Variants in BMP1 observed in about 807,000 individuals in gnomAD.
The protein encoded by BMP1 is bone morphogenetic protein 1, also known as mammalian tolloid protein.
A neutral mutation model predicts 116.8 loss-of-function variants in BMP1; 63 were observed. The ratio of observed to expected loss-of-function variants is 0.54; its 90% CI spans 0.44 to 0.67. The LOEUF (loss-of-function observed/expected upper bound fraction) is 0.67. Ranked by LOEUF, BMP1 falls within the 30% of genes least tolerant of loss-of-function variation. The pLI, the probability that BMP1 is intolerant of heterozygous loss-of-function variation, is 0.00. For synonymous variants in BMP1, 536 were observed against 533.4 expected, an observed-to-expected ratio of 1.00 and a Z score of -0.07; for missense variants, 1,183 against 1,358.9, an observed-to-expected ratio of 0.87 and a Z score of 2.04.
chr8:22,186,314 C>G (rs909019889), intron 8 of BMP1, among the ~76,000 whole-genome samples: 2 of 152,182 alleles, frequency 1.3e-5, no homozygotes, highest in African/African-American at 4.8e-5. Context: ...AGCAGAGTTG[C>G]TTGGCAGGCC....
rs1224137308 is a variant in BMP1 at position 22,176,766 on chromosome 8, G to C, written c.551+116G>C. ...GCCTTGGGTCCCTTTATCCCCTCCT[G>C]CTATGGGGCATCTACCCAGGAACTG... is the stretch of plus-strand genomic sequence containing the variant. On this transcript the variant is annotated intron_variant, in intron 4 of 19. Transcript: ENST00000306385. 4.3e-6 allele frequency: 5 copies of C among 1,176,004 alleles called. No individual in the cohort carries two copies. In the South Asian group the frequency reaches 6.6e-5, roughly 16 times the overall value. 72.8% of individuals were successfully genotyped at this position (1,176,004 alleles called of 1,614,324 possible). A position where few individuals can be genotyped will look rare whatever the true frequency, so the allele number is the denominator to read the frequency against.
In BMP1 at chr8:22,211,818, C is replaced by T; in HGVS notation, c.*90C>T. Reference sequence around the variant, plus strand: ...GGGTGGGCGGAAGGCAACGCACCATCCCTCTCCCCCAGGCCCCAGGACCTG... The same window carrying T: ...GGGTGGGCGGAAGGCAACGCACCATTCCTCTCCCCCAGGCCCCAGGACCTG... On this transcript the variant is annotated 3_prime_UTR_variant, in exon 20 of 20. Coordinates refer to ENST00000306385, the MANE Select transcript of BMP1 (RefSeq NM_006129.5). 1.3e-6 allele frequency: 2 copies of T among 1,588,726 alleles called. No homozygotes were observed. The highest frequency in any genetic ancestry group is 2.2e-5 in the East Asian group (1 of 44,594).
chr8:22,201,617 A>G, intron 15 of BMP1, 186 bp from the exon 16 acceptor site: 1 of 1,356,974 alleles, frequency 7.4e-7, no homozygotes, highest in Non-Finnish European at 9.7e-7. Flanking sequence ...GTCCTGCTGG[A>G]TGCAGTGCCC....
At chr8:22,196,083 G>T in intron 13 of BMP1, 1 of 431,094 alleles carries the variant, frequency 2.3e-6, no homozygotes, top group Admixed American at 2.5e-5. Context: ...GCCGCATTCT[G>T]GCTTTGGGTT....
intron 9 of BMP1, among the ~76,000 whole-genome samples, chr8:22,193,738 C>A (rs778040088): frequency 1.3e-5 from 2 of 152,132 alleles, no homozygotes; most frequent in South Asian, 4.1e-4. Flanking sequence ...GAGCCAAGAG[C>A]GTGCCACTGC....
In BMP1 at chr8:22,207,492, G is replaced by T; in HGVS notation, c.2551G>T (p.Gly851Cys). ...CTCAGATAACTCGGTCCAGCGAAAG[G>T]GCTTCCAGGCCTCCCACGCCACAGG... ...FYSDNSVQRKGFQASHATECG... is the reference protein window; with the variant it reads ...FYSDNSVQRKCFQASHATECG... The change falls in exon 18 of 20, where the codon GGC (glycine) becomes TGC (cysteine). Residue 851 changes from glycine (G) to cysteine (C), a missense_variant. Transcript: ENST00000306385. 1.2e-6 allele frequency: 2 copies of T among 1,613,592 alleles called. No individual in the cohort carries two copies. The highest frequency in any genetic ancestry group is 1.7e-6 in the Non-Finnish European group (2 of 1,180,018).
intron 15 of BMP1, chr8:22,199,317 AAGG>A (rs1829190549): frequency 3.7e-6 from 5 of 1,357,558 alleles, no homozygotes; most frequent in Non-Finnish European, 4.9e-6. Context: ...CTAAGCCAAG[AAGG>A]AGAAGAAAGA....
chr8:22,206,735 C>A, intron 16 of BMP1, 119 bp from the exon 17 acceptor site: 1 of 1,449,594 alleles, frequency 6.9e-7, no homozygotes, highest in Non-Finnish European at 9.5e-7. Flanking sequence ...CCATCCAGTT[C>A]ATAAGTGGGA....
intron 2 of BMP1, among the ~76,000 whole-genome samples, chr8:22,174,677 G>C (rs1258988533): frequency 7.3e-6 from 1 of 136,372 alleles, no homozygotes; most frequent in Admixed American, 7.9e-5. Context: ...CTGTTACCTA[G>C]GCTAGAATGC....
At chr8:22,201,453 G>A in intron 15 of BMP1, 2 of 1,404,052 alleles carry the variant, frequency 1.4e-6, no homozygotes, top group South Asian at 1.6e-5. Flanking sequence ...GTAAAAGAGG[G>A]ACCCCTGCGT....
intron 12 of BMP1, 95 bp from the exon 13 acceptor site, chr8:22,195,367 G>C (rs764506180): frequency 1.0e-5 from 15 of 1,468,370 alleles, no homozygotes; most frequent in Non-Finnish European, 1.3e-5. Context: ...CGGGGAGCTG[G>C]GTGGGTCTTG....
Position 22,211,906 on chromosome 8 carries a change from C to A in BMP1, c.*178C>A. 1.1e-6 allele frequency: 1 copy of A among 883,408 alleles called. No homozygotes were observed. Among genetic ancestry groups the A allele is most frequent in the Non-Finnish European group, 1.7e-6 (1 of 593,586 alleles). 54.7% of individuals were successfully genotyped at this position (883,408 alleles called of 1,614,324 possible). On this transcript the variant is annotated 3_prime_UTR_variant, in exon 20 of 20. Coordinates refer to ENST00000306385, the MANE Select transcript of BMP1 (RefSeq NM_006129.5). Reference sequence around the variant, plus strand: ...GGGGGAACTGGACTCCGGCATAAGCCACTTCCCCACAAACCCCCACCAGCA... The same window carrying A: ...GGGGGAACTGGACTCCGGCATAAGCAACTTCCCCACAAACCCCCACCAGCA...
In BMP1 at chr8:22,165,490, A is replaced by T. The variant is rs1465040555; in HGVS notation, c.85A>T (p.Thr29Ser). The part of the protein sequence containing the change: ...PGRPLDLADY[T>S]YDLAEEDDSE... ...CCGGCCGCTGGACTTGGCCGACTAC[A>T]CCTATGACCTGGCGGAGGAGGACGA... The change falls in exon 1 of 20, where the codon ACC becomes TCC. Residue 29 changes from threonine (T) to serine (S), a missense_variant. Transcript: ENST00000306385. 1.3e-6 allele frequency: 2 copies of T among 1,591,740 alleles called. No homozygotes were observed. Among genetic ancestry groups the T allele is most frequent in the Non-Finnish European group, 1.7e-6 (2 of 1,171,630 alleles).
intron 12 of BMP1, among the ~76,000 whole-genome samples, 169 bp downstream of exon 12, chr8:22,195,088 G>A (rs1829044284): frequency 6.6e-6 from 1 of 152,212 alleles, no homozygotes; most frequent in Non-Finnish European, 1.5e-5. Context: ...GTCCCCCAAT[G>A]TGGATTAGAG....
At chr8:22,209,085 TC>T (rs1419840401) in intron 18 of BMP1, among the ~76,000 whole-genome samples, 1 of 152,202 alleles carries the variant, frequency 6.6e-6, no homozygotes, top group Non-Finnish European at 1.5e-5. Context: ...ACGGCTTCTC[TC>T]TTGAAAATGG....
chr8:22,197,766 G>T (rs1343312485), intron 15 of BMP1, among the ~76,000 whole-genome samples: 1 of 152,234 alleles, frequency 6.6e-6, no homozygotes, highest in Admixed American at 6.5e-5. Flanking sequence ...GGCAGTTCAA[G>T]AACGTGGGTG....
intron 17 of BMP1, 63 bp from the exon 18 acceptor site, chr8:22,207,240 C>T (rs978084423): frequency 1.3e-6 from 2 of 1,540,190 alleles, no homozygotes; most frequent in African/African-American, 1.4e-5. Flanking sequence ...TTGGGGCCCT[C>T]ATCCTTGCCC....
intron 8 of BMP1, among the ~76,000 whole-genome samples, chr8:22,187,627 G>C (rs569600380): frequency 1.3e-5 from 2 of 151,184 alleles, no homozygotes; most frequent in South Asian, 4.2e-4. Context: ...GGGATTACAG[G>C]TGTGAGCCAC....
Position 22,207,372 on chromosome 8 carries a change from C to T in BMP1, c.2431C>T (p.Arg811Ter), listed in dbSNP as rs898240891. ...AYDHLEVFDG[R>*]DAKAPVLGRF... ...CGACCACCTAGAGGTGTTCGACGGG[C>T]GAGACGCCAAGGCCCCCGTCCTCGG... Residue 811 changes from arginine (R) to a stop codon, truncating the protein, a stop_gained, in exon 18 of 20, where the codon CGA (arginine) becomes TGA (stop). Transcript: ENST00000306385. LOFTEE classifies it high-confidence loss of function. 7 of 1,614,114 alleles carry T rather than the reference C, an allele frequency of 4.3e-6. No homozygotes were observed. Among genetic ancestry groups the T allele is most frequent in the East Asian group, 2.2e-5 (1 of 44,888 alleles).
Sources: allele counts gnomAD v4.1 joint callset (sites outside exome capture counted in the v4.1 genomes callset), GRCh38; gene constraint gnomAD v4.1.1; transcripts MANE v1.5; gene names NCBI Gene and HGNC (gene_info 2026-07-23, HGNC 2026-07-21).